Variants in CBX5 observed in about 807,000 individuals in gnomAD.
CBX5 encodes the protein chromobox protein homolog 5.
CBX5 carries 7 observed loss-of-function variants against 20.7 expected under a neutral mutation model. That is an observed-to-expected ratio of 0.34 (90% CI 0.19 to 0.63). The LOEUF (loss-of-function observed/expected upper bound fraction) is 0.63. Ranked by LOEUF, CBX5 falls within the 30% of genes least tolerant of loss-of-function variation. The pLI is 0.75. For missense variants in CBX5, 110 were observed against 224.1 expected (o/e 0.49, Z 3.25); for synonymous variants, 78 against 77.0 (o/e 1.01, Z -0.07).
chr12:54,233,261 C>T lies in CBX5; in HGVS notation c.*8494G>A, dbSNP rs568618833. On this transcript the variant is annotated 3_prime_UTR_variant, in exon 5 of 5. Coordinates refer to ENST00000209875, the MANE Select transcript of CBX5 (RefSeq NM_012117.3). ...TTCTTTCCTCCTGTGAGAGATGTAA[C>T]TCTTTAACAAAAAAAAGGTAGAAGA... The T allele has an allele frequency of 6.6e-6, 1 of 152,198 alleles. No homozygotes were observed. Among genetic ancestry groups the T allele is most frequent in the East Asian group, 1.9e-4 (1 of 5,190 alleles). The allele number at this position is 152,198 out of a possible 1,614,324, so 9.4% of individuals were successfully genotyped here.
chr12:54,270,095 T>C (rs548944678), intron 1 of CBX5, among the ~76,000 whole-genome samples: 1 of 152,356 alleles, frequency 6.6e-6, no homozygotes, highest in East Asian at 1.9e-4. Flanking sequence ...TCCGTTTTTT[T>C]CTATTCTCTA....
chr12:54,245,650 G>A (rs1943727671), intron 4 of CBX5, among the ~76,000 whole-genome samples: 1 of 152,146 alleles, frequency 6.6e-6, no homozygotes, highest in Non-Finnish European at 1.5e-5. Flanking sequence ...AAGTAGCCAG[G>A]TATGGTGGCA....
chr12:54,261,439 G>A (rs1296622583), intron 1 of CBX5, among the ~76,000 whole-genome samples: 3 of 151,890 alleles, frequency 2.0e-5, no homozygotes, highest in African/African-American at 7.3e-5. Context: ...TGGGATTACA[G>A]GCATGTGCCA....
At chr12:54,259,075 C>T (rs1015913698) in intron 1 of CBX5, among the ~76,000 whole-genome samples, 23 of 152,096 alleles carry the variant, frequency 1.5e-4, no homozygotes, top group African/African-American at 5.6e-4. Flanking sequence ...TATTAAAATA[C>T]TCTATTTGGA....
chr12:54,242,695 GAAC>G (rs753306831), intron 4 of CBX5, among the ~76,000 whole-genome samples: 3 of 151,878 alleles, frequency 2.0e-5, no homozygotes, highest in Non-Finnish European at 4.4e-5. Flanking sequence ...CTGTGGATTG[GAAC>G]AACGAGCAAA....
chr12:54,271,366 C>T (rs1185553179), intron 1 of CBX5, among the ~76,000 whole-genome samples: 1 of 152,204 alleles, frequency 6.6e-6, no homozygotes, highest in Non-Finnish European at 1.5e-5. Context: ...TGCTCTGTCA[C>T]CCAGGCTGGA....
intron 1 of CBX5, among the ~76,000 whole-genome samples, chr12:54,271,268 A>C (rs757173853): frequency 5.3e-5 from 8 of 152,146 alleles, no homozygotes; most frequent in Non-Finnish European, 8.8e-5. Flanking sequence ...TACCTGTTTT[A>C]TCAATTACTG....
Position 54,234,305 on chromosome 12 carries a change from G to A in CBX5, c.*7450C>T, listed in dbSNP as rs1378419294. 8 of 149,584 alleles carry A rather than the reference G, an allele frequency of 5.3e-5. No individual in the cohort carries two copies. The highest frequency in any genetic ancestry group is 3.0e-5 in the Non-Finnish European group (2 of 67,792). The allele number at this position is 149,584 out of a possible 1,614,324, so 9.3% of individuals were successfully genotyped here. On this transcript the variant is annotated 3_prime_UTR_variant, in exon 5 of 5. Transcript: ENST00000209875. ...TAGCTGATCACATTAAACAGGTACAGGTGCTAAGAAAGTTTAAGACTGATC... is the reference window on the plus strand; with the variant it reads ...TAGCTGATCACATTAAACAGGTACAAGTGCTAAGAAAGTTTAAGACTGATC...
Position 54,252,149 on chromosome 12 carries a change from C to G in CBX5, c.216G>C (p.Lys72Asn). ...GTTTATTATTTTCACCCTCCTTCAT[C>G]TTCTTATACTTTTTCATAAATTCAG... Reference protein sequence around the residue: ...LISEFMKKYKKMKEGENNKPR... With the variant: ...LISEFMKKYKNMKEGENNKPR... Residue 72 changes from lysine (K) to asparagine (N), a missense_variant, in exon 3 of 5, where the codon AAG becomes AAC. This residue lies in a region of CBX5 where 58 missense variants were observed against 120.6 expected (regional missense o/e 0.48). Coordinates refer to ENST00000209875, the MANE Select transcript of CBX5 (RefSeq NM_012117.3). 2.5e-6 allele frequency: 4 copies of G among 1,610,414 alleles called. No homozygotes were observed. In the South Asian group the frequency reaches 4.4e-5, roughly 18 times the overall value.
Position 54,252,228 on chromosome 12 carries a change from C to A in CBX5, c.138-1G>T. On this transcript the variant is annotated splice_acceptor_variant, in intron 2 of 4. Coordinates refer to ENST00000209875, the MANE Select transcript of CBX5 (RefSeq NM_012117.3). LOFTEE classifies it high-confidence loss of function. ...CTCAGGTTCCCAAGTATTGTGCTCC[C>A]TGGGTAAGAAAAATGGGAAAATTAA... is the stretch of plus-strand genomic sequence containing the variant. The A allele has an allele frequency of 6.5e-7, 1 of 1,534,184 alleles. No homozygotes were observed. The highest frequency in any genetic ancestry group is 8.7e-7 in the Non-Finnish European group (1 of 1,147,038).
rs935845825 is a variant in CBX5, at chr12:54,239,209, T to C, written c.*2546A>G. On this transcript the variant is annotated 3_prime_UTR_variant, in exon 5 of 5. Coordinates refer to ENST00000209875, the MANE Select transcript of CBX5 (RefSeq NM_012117.3). ...AAGTCTATTAACAGATGGTAAGTAG[T>C]AGATGATACTGGGGTTATTTCGGTA... is the stretch of plus-strand genomic sequence containing the variant. 2 of 152,214 alleles carry C rather than the reference T, an allele frequency of 1.3e-5. No homozygotes were observed. The highest frequency in any genetic ancestry group is 4.8e-5 in the African/African-American group (2 of 41,458). 9.4% of individuals were successfully genotyped at this position (152,214 alleles called of 1,614,324 possible). A position where few individuals can be genotyped will look rare whatever the true frequency, so the allele number is the denominator to read the frequency against.
intron 2 of CBX5, 124 bp from the exon 3 acceptor site, chr12:54,252,351 A>G: frequency 1.8e-6 from 1 of 567,602 alleles, no homozygotes; most frequent in Non-Finnish European, 2.9e-6. Flanking sequence ...TATGCTTTAA[A>G]GAAGATAACA....
chr12:54,274,802 T>TG (rs993877048), intron 1 of CBX5, among the ~76,000 whole-genome samples: 5 of 151,942 alleles, frequency 3.3e-5, no homozygotes, highest in African/African-American at 1.2e-4. Flanking sequence ...TAGCCAGGCA[T>TG]GGTGGCACGT....
At chr12:54,261,227 C>T (rs1943913711) in intron 1 of CBX5, among the ~76,000 whole-genome samples, 1 of 150,026 alleles carries the variant, frequency 6.7e-6, no homozygotes, top group African/African-American at 2.4e-5. Flanking sequence ...AGAAGAAGCA[C>T]AATGGTGACT....
chr12:54,250,174 G>T (rs1412615493), intron 3 of CBX5, among the ~76,000 whole-genome samples: 5 of 152,100 alleles, frequency 3.3e-5, no homozygotes, highest in African/African-American at 9.7e-5. Flanking sequence ...AGTGAGCCAA[G>T]ATCATGCCAT....
At chr12:54,256,902 C>A (rs1386902175) in intron 2 of CBX5, among the ~76,000 whole-genome samples, 1 of 152,130 alleles carries the variant, frequency 6.6e-6, no homozygotes, top group African/African-American at 2.4e-5. Context: ...AAAACACAGT[C>A]ACCCAGGCTG....
chr12:54,252,589 G>A, intron 2 of CBX5: 1 of 187,470 alleles, frequency 5.3e-6, no homozygotes, highest in Non-Finnish European at 1.1e-5. Flanking sequence ...CAACTTGGAA[G>A]AACCCCAAAA....
At chr12:54,242,026 G>C (rs1283196533) in intron 4 of CBX5, 121 bp from the exon 5 acceptor site, 2 of 860,192 alleles carry the variant, frequency 2.3e-6, no homozygotes, top group Non-Finnish European at 3.6e-6. Context: ...TGGTTTCAAG[G>C]TGAAAAGGAC....
chr12:54,272,624 G>GTCTT (rs1565875035), intron 1 of CBX5: 1 of 152,104 alleles, frequency 6.6e-6, no homozygotes, highest in Non-Finnish European at 1.5e-5. Context: ...ACAAATACAG[G>GTCTT]TTAGTTATCC....
Sources: gnomAD v4.1 joint callset for allele counts (sites outside exome capture counted in the v4.1 genomes callset) on GRCh38, gnomAD v4.1.1 for gene constraint, gnomAD v4.1.1 regional missense constraint, MANE v1.5 for transcripts, NCBI Gene and HGNC (gene_info 2026-07-23, HGNC 2026-07-21) for gene names.